The following ADAM10 variants were observed in gnomAD, a reference collection of about 807,000 sequenced individuals.
ADAM10 encodes disintegrin and metalloproteinase domain-containing protein 10.
ADAM10 carries 17 observed loss-of-function variants against 90.1 expected under a neutral mutation model. The observed-to-expected ratio is 0.19, with a 90% confidence interval of 0.13 to 0.28. ADAM10 has a LOEUF of 0.28. ADAM10 is among the 10% of genes least tolerant of loss of function. The pLI, the probability that ADAM10 is intolerant of heterozygous loss-of-function variation, is 1.00. For missense variants in ADAM10, 610 were observed against 914.3 expected, an observed-to-expected ratio of 0.67 and a Z score of 4.29; for synonymous variants, 310 against 298.6, an observed-to-expected ratio of 1.04 and a Z score of -0.40.
chr15:58,688,170 T>C (rs1367047810), intron 2 of ADAM10, among the ~76,000 whole-genome samples: 1 of 152,170 alleles, frequency 6.6e-6, no homozygotes, highest in East Asian at 1.9e-4. Flanking sequence ...GGGAAAGATG[T>C]CCAGGACTTC....
At chr15:58,681,946 C>G (rs1452080905) in intron 3 of ADAM10, among the ~76,000 whole-genome samples, 4 of 152,104 alleles carry the variant, frequency 2.6e-5, no homozygotes, top group Non-Finnish European at 4.4e-5. Context: ...AAAACTCTAA[C>G]AGTTTAGAGG....
In ADAM10 at chr15:58,594,135, T is replaced by C. The variant is rs1299979546; in HGVS notation, c.*3412A>G. 1 of 152,174 alleles carries C rather than the reference T, an allele frequency of 6.6e-6. No individual in the cohort carries two copies. Among genetic ancestry groups the C allele is most frequent in the Non-Finnish European group, 1.5e-5 (1 of 68,016 alleles). The allele number at this position is 152,174 out of a possible 1,614,324, so 9.4% of individuals were successfully genotyped here. On this transcript the variant is annotated 3_prime_UTR_variant, in exon 16 of 16. Transcript: ENST00000260408. ...TAGTGACTTCTCTAAAGATGAACTG[T>C]CCCTGGCAGCTGCTTTAAAACTACA...
intron 4 of ADAM10, among the ~76,000 whole-genome samples, chr15:58,673,469 T>C (rs1420096822): frequency 6.6e-6 from 1 of 151,448 alleles, no homozygotes; most frequent in Non-Finnish European, 1.5e-5. Flanking sequence ...AAAAATCTTA[T>C]ATTTCTGAAA....
intron 14 of ADAM10, chr15:58,609,069 T>A (rs184199140): frequency 6.6e-6 from 1 of 152,254 alleles, no homozygotes; most frequent in Non-Finnish European, 1.5e-5. Flanking sequence ...CTGCTTGAAG[T>A]CACAGAATTG....
chr15:58,596,386 A>G lies in ADAM10; in HGVS notation c.*1161T>C, dbSNP rs1894950761. ...GGGACATTGTGCTGTTTCACCTTCA[A>G]TGCTGTTAAAAATTTTAGGAAAAAA... is the stretch of plus-strand genomic sequence containing the variant. On this transcript the variant is annotated 3_prime_UTR_variant, in exon 16 of 16. Transcript: ENST00000260408. 1 of 152,610 alleles carries G rather than the reference A, an allele frequency of 6.6e-6. No individual in the cohort carries two copies. Among genetic ancestry groups the G allele is most frequent in the South Asian group, 2.1e-4 (1 of 4,834 alleles). 9.5% of individuals were successfully genotyped at this position (152,610 alleles called of 1,614,324 possible). A position where few individuals can be genotyped will look rare whatever the true frequency, so the allele number is the denominator to read the frequency against.
intron 1 of ADAM10, among the ~76,000 whole-genome samples, chr15:58,739,240 C>T (rs1899524815): frequency 6.6e-6 from 1 of 151,990 alleles, no homozygotes; most frequent in South Asian, 2.1e-4. Context: ...GGCGCGGTGG[C>T]TCACGCCTGT....
At chr15:58,690,011 A>C (rs1897734652) in intron 2 of ADAM10, among the ~76,000 whole-genome samples, 1 of 151,622 alleles carries the variant, frequency 6.6e-6, no homozygotes, top group Non-Finnish European at 1.5e-5. Flanking sequence ...ATCCAACCAA[A>C]AACTAGAAAA....
At chr15:58,615,314 A>T (rs1895577301) in intron 11 of ADAM10, among the ~76,000 whole-genome samples, 1 of 151,926 alleles carries the variant, frequency 6.6e-6, no homozygotes, top group Non-Finnish European at 1.5e-5. Flanking sequence ...AATAATTATC[A>T]AAATGATAAG....
intron 1 of ADAM10, among the ~76,000 whole-genome samples, chr15:58,744,036 G>T (rs1899706024): frequency 1.3e-5 from 2 of 152,114 alleles, no homozygotes; most frequent in African/African-American, 4.8e-5. Flanking sequence ...TTAGCTCTAG[G>T]ACACGATCTA....
At chr15:58,738,575 T>TA (rs1284162625) in intron 1 of ADAM10, among the ~76,000 whole-genome samples, 1 of 152,224 alleles carries the variant, frequency 6.6e-6, no homozygotes, top group Admixed American at 6.5e-5. Context: ...TATTTCAACA[T>TA]ACCCACTTTT....
At chr15:58,636,418 T>C (rs550962619) in intron 8 of ADAM10, among the ~76,000 whole-genome samples, 262 of 152,362 alleles carry the variant, frequency 1.7e-3, no homozygotes, top group African/African-American at 6.0e-3. Context: ...GCAACTAGTT[T>C]TGATATGCCA....
At chr15:58,679,075 T>A in intron 4 of ADAM10, 49 bp downstream of exon 4, 2 of 1,543,538 alleles carry the variant, frequency 1.3e-6, no homozygotes, top group Non-Finnish European at 1.8e-6. Flanking sequence ...CAGTTTTAAC[T>A]ATCATATGCC....
intron 15 of ADAM10, 132 bp downstream of exon 15, chr15:58,599,466 A>G (rs1291355943): frequency 4.4e-6 from 5 of 1,124,958 alleles, no homozygotes; most frequent in African/African-American, 1.5e-5. Context: ...CAACTAAATC[A>G]TTCATCCAAT....
At chr15:58,749,041 G>C (rs967612769) in intron 1 of ADAM10, 1 of 398,946 alleles carries the variant, frequency 2.5e-6, no homozygotes, top group African/African-American at 2.1e-5. Context: ...CAGGGGCTGG[G>C]GGAGGAATGG....
chr15:58,648,559 A>T (rs8040358), intron 5 of ADAM10, among the ~76,000 whole-genome samples: 42,963 of 151,924 alleles, frequency 0.28, 8,703 homozygotes, highest in African/African-American at 0.57. Context: ...AAATAAGAAA[A>T]CAGTCTGAAA....
chr15:58,714,066 A>C (rs1301969946), intron 2 of ADAM10, among the ~76,000 whole-genome samples: 3 of 152,104 alleles, frequency 2.0e-5, no homozygotes, highest in Non-Finnish European at 2.9e-5. Flanking sequence ...AGCCTCCCAA[A>C]GTGCTGGGAT....
intron 1 of ADAM10, among the ~76,000 whole-genome samples, chr15:58,745,167 A>G (rs1281950765): frequency 6.6e-6 from 1 of 152,210 alleles, no homozygotes; most frequent in East Asian, 1.9e-4. Flanking sequence ...TGGGTGACAG[A>G]GCGAGATTCC....
rs544939767 is a variant in ADAM10 at position 58,671,387 on chromosome 15, T to G, written c.485-6190A>C. On this transcript the variant is annotated intron_variant, in intron 4 of 15. Coordinates refer to ENST00000260408, the MANE Select transcript of ADAM10 (RefSeq NM_001110.4). ...CACAATGCCTCTTTAGAAGCAGCTT[T>G]TTAGAGGGCCAGAGTCCTGGACCAA... Among the ~76,000 whole-genome samples, 14 of 152,324 alleles carry G rather than the reference T, an allele frequency of 9.2e-5. No homozygotes were observed. In the East Asian group the frequency reaches 2.7e-3, roughly 29 times the overall value.
In ADAM10 at chr15:58,595,387, C is replaced by T. The variant is rs1894924487; in HGVS notation, c.*2160G>A. ...TCTCAGAGTTCAAAGAGTATAGAAC[C>T]TTCAAGTTGATTTAATCGTCTATTT... On this transcript the variant is annotated 3_prime_UTR_variant, in exon 16 of 16. Coordinates refer to ENST00000260408, the MANE Select transcript of ADAM10 (RefSeq NM_001110.4). 1 of 152,084 alleles carries T rather than the reference C, an allele frequency of 6.6e-6. No homozygotes were observed. Among genetic ancestry groups the T allele is most frequent in the African/African-American group, 2.4e-5 (1 of 41,426 alleles). 9.4% of individuals were successfully genotyped at this position (152,084 alleles called of 1,614,324 possible).
Sources: allele counts gnomAD v4.1 joint callset (sites outside exome capture counted in the v4.1 genomes callset), GRCh38; gene constraint gnomAD v4.1.1; transcripts MANE v1.5; gene names NCBI Gene and HGNC (gene_info 2026-07-23, HGNC 2026-07-21).